PCSK5: variants seen among roughly 807,000 people sequenced by gnomAD.
The protein encoded by PCSK5 is prohormone convertase 5.
In PCSK5, 129 loss-of-function variants were observed where a neutral mutation model predicts 233.2. That is an observed-to-expected ratio of 0.55 (90% CI 0.48 to 0.64). The LOEUF (loss-of-function observed/expected upper bound fraction) is 0.64, where lower values mean the gene tolerates loss of function less well. Ranked by LOEUF, PCSK5 falls within the 30% of genes least tolerant of loss-of-function variation. PCSK5 has a pLI of 0.00. For synonymous variants in PCSK5, 825 were observed against 879.2 expected, an observed-to-expected ratio of 0.94 and a Z score of 1.09; for missense variants, 2,076 against 2,430.1, an observed-to-expected ratio of 0.85 and a Z score of 3.06.
chr9:75,947,260 A>T (rs778711046), intron 2 of PCSK5, among the ~76,000 whole-genome samples: 2 of 152,236 alleles, frequency 1.3e-5, no homozygotes, highest in Non-Finnish European at 2.9e-5. Context: ...TAAGACGACA[A>T]CAACAGTAGA....
At chr9:76,070,545 A>G (rs1271072157) in intron 6 of PCSK5, among the ~76,000 whole-genome samples, 3 of 152,208 alleles carry the variant, frequency 2.0e-5, no homozygotes, top group African/African-American at 7.2e-5. Flanking sequence ...CTGTCATGGA[A>G]TTTAAAATGG....
At chr9:76,190,873 G>GC (rs1453097867) in intron 20 of PCSK5, among the ~76,000 whole-genome samples, 1 of 152,180 alleles carries the variant, frequency 6.6e-6, no homozygotes, top group East Asian at 1.9e-4. Context: ...CTGGGGTGCA[G>GC]CCCATGATCA....
chr9:76,127,966 G>A (rs1028973413), intron 9 of PCSK5, among the ~76,000 whole-genome samples: 11 of 152,238 alleles, frequency 7.2e-5, no homozygotes, highest in African/African-American at 1.9e-4. Context: ...ACTCTGAAGC[G>A]TAATTTACAC....
chr9:75,937,422 T>G (rs1824107125), intron 2 of PCSK5, among the ~76,000 whole-genome samples: 1 of 152,038 alleles, frequency 6.6e-6, no homozygotes, highest in African/African-American at 2.4e-5. Context: ...CAGGTGATCC[T>G]CCTGCCTTGG....
At chr9:75,924,667 T>C (rs960180260) in intron 1 of PCSK5, among the ~76,000 whole-genome samples, 1 of 152,162 alleles carries the variant, frequency 6.6e-6, no homozygotes, top group Non-Finnish European at 1.5e-5. Flanking sequence ...GGCAATTCTC[T>C]TTTTGCATCT....
chr9:76,270,018 A>T (rs1285724255), intron 24 of PCSK5, among the ~76,000 whole-genome samples: 2 of 151,896 alleles, frequency 1.3e-5, no homozygotes, highest in East Asian at 1.9e-4. Context: ...ATATTTTTTT[A>T]AAAATATGAG....
rs184415189 is a variant in PCSK5 at position 76,000,965 on chromosome 9, G to A, written c.411+14720G>A. Among the ~76,000 whole-genome samples the A allele has an allele frequency of 4.3e-3, 650 of 151,458 alleles. 1 individual carries two copies. Among genetic ancestry groups the A allele is most frequent in the Non-Finnish European group, 6.9e-3 (471 of 67,892 alleles). On this transcript the variant is annotated intron_variant, in intron 3 of 37. Transcript: ENST00000674117. ...TTAGAGACCACAATATGAGTGTTGT[G>A]ATTCTGATTGCTGTTGGATTAATAT...
chr9:76,264,241 A>G (rs1445820217), intron 24 of PCSK5, among the ~76,000 whole-genome samples: 1 of 152,224 alleles, frequency 6.6e-6, no homozygotes, highest in Non-Finnish European at 1.5e-5. Context: ...GTGCTGGGAT[A>G]GCTGGCTAGC....
rs186055349 is a variant in PCSK5 at position 76,046,925 on chromosome 9, G to A, written c.632+19888G>A. Among the ~76,000 whole-genome samples, 435 of 152,246 alleles carry A rather than the reference G, an allele frequency of 2.9e-3. 4 individuals are homozygous for A. The highest frequency in any genetic ancestry group is 0.01 in the African/African-American group (419 of 41,546). ...ACACTTCTTCTCTTGGGGATAAAAA[G>A]GAGTTTCTGTATGTCCCAATGTCTG... On this transcript the variant is annotated intron_variant, in intron 5 of 37. Transcript: ENST00000674117.
At position 75,949,152 on chromosome 9, in the gene PCSK5, A is replaced by T. The variant is rs117983629; in HGVS notation, c.297+16669A>T. Among the ~76,000 whole-genome samples, 328 of 151,314 alleles carry T rather than the reference A, an allele frequency of 2.2e-3. 1 individual carries two copies. Among genetic ancestry groups the T allele is most frequent in the Non-Finnish European group, 3.9e-3 (266 of 67,922 alleles). On this transcript the variant is annotated intron_variant, in intron 2 of 37. Transcript: ENST00000674117. ...GTATGTCTCAGATATGTCAAGGGAC[A>T]TACCTATATTGAAGTGTTTATTTGT...
At chr9:76,179,500 G>GA (rs774912945) in intron 14 of PCSK5, 96 bp from the exon 15 acceptor site, 6,685 of 718,712 alleles carry the variant, frequency 9.3e-3, no homozygotes, top group Non-Finnish European at 0.01. Flanking sequence ...CTCTGCATAA[G>GA]AAAAAAAAAA....
Position 76,360,935 on chromosome 9 carries a change from G to C in PCSK5, c.*2013G>C, listed in dbSNP as rs190741674. On this transcript the variant is annotated 3_prime_UTR_variant, in exon 38 of 38. Transcript: ENST00000674117. ...CTCAGTTCACAGCATTACAAGAACA[G>C]GTGGTGGGTCAGATTTGGCCAACAG... is the stretch of plus-strand genomic sequence containing the variant. 1 of 152,222 alleles carries C rather than the reference G, an allele frequency of 6.6e-6. No individual in the cohort carries two copies. Among genetic ancestry groups the C allele is most frequent in the African/African-American group, 2.4e-5 (1 of 41,542 alleles). 9.4% of individuals were successfully genotyped at this position (152,222 alleles called of 1,614,324 possible).
intron 1 of PCSK5, among the ~76,000 whole-genome samples, chr9:75,924,841 T>C (rs1038747375): frequency 2.6e-5 from 4 of 152,168 alleles, no homozygotes; most frequent in African/African-American, 9.7e-5. Context: ...TAGGAGCATA[T>C]GCTCTGGAAT....
At chr9:75,953,191 G>T (rs536585270) in intron 2 of PCSK5, among the ~76,000 whole-genome samples, 1 of 151,936 alleles carries the variant, frequency 6.6e-6, no homozygotes, top group African/African-American at 2.4e-5. Context: ...TCCTGGGCAG[G>T]GCATATGTTT....
intron 2 of PCSK5, among the ~76,000 whole-genome samples, chr9:75,959,678 C>A (rs73450619): frequency 6.6e-6 from 1 of 152,130 alleles, no homozygotes; most frequent in Non-Finnish European, 1.5e-5. Context: ...TCTGTGGCCA[C>A]GGCACAAATG....
intron 2 of PCSK5, among the ~76,000 whole-genome samples, chr9:75,966,208 C>T (rs1825579179): frequency 6.6e-6 from 1 of 152,138 alleles, no homozygotes; most frequent in Non-Finnish European, 1.5e-5. Flanking sequence ...TACTCAATAC[C>T]CCACACTGGA....
At chr9:76,175,497 C>T (rs1005676194) in intron 14 of PCSK5, 1 of 357,732 alleles carries the variant, frequency 2.8e-6, no homozygotes, top group Non-Finnish European at 5.0e-6. Flanking sequence ...TAATCTGGGA[C>T]ATATTGTTCG....
At chr9:76,291,941 TG>T (rs1828289601) in intron 24 of PCSK5, among the ~76,000 whole-genome samples, 2 of 152,302 alleles carry the variant, frequency 1.3e-5, no homozygotes, top group African/African-American at 4.8e-5. Flanking sequence ...GTTCTTAATG[TG>T]GATGGTCGTT....
intron 3 of PCSK5, among the ~76,000 whole-genome samples, chr9:76,007,949 A>T (rs1032368836): frequency 6.6e-6 from 1 of 151,820 alleles, no homozygotes; most frequent in Admixed American, 6.6e-5. Context: ...CTCTTTCTCC[A>T]TCAAGTCTTC....
Sources: gnomAD v4.1 joint callset for allele counts (sites outside exome capture counted in the v4.1 genomes callset) on GRCh38, gnomAD v4.1.1 for gene constraint, MANE v1.5 for transcripts, NCBI Gene and HGNC (gene_info 2026-07-23, HGNC 2026-07-21) for gene names.